OTUD7B: variants seen among roughly 807,000 people sequenced by gnomAD.
The protein encoded by OTUD7B is OTU deubiquitinase 7B.
In OTUD7B, 34 loss-of-function variants were observed where a neutral mutation model predicts 82.2. That is an observed-to-expected ratio of 0.41 (90% confidence interval 0.31 to 0.55). OTUD7B has a LOEUF of 0.55. Ranked by LOEUF, OTUD7B falls within the 20% of genes least tolerant of loss-of-function variation. OTUD7B has a pLI of 0.20. For missense variants in OTUD7B, 944 were observed against 1,062.1 expected (o/e 0.89, Z 1.55); for synonymous variants, 398 against 402.7 (o/e 0.99, Z 0.14).
Position 149,975,022 on chromosome 1 carries a change from C to T in OTUD7B, c.85+2404G>A, listed in dbSNP as rs193094599. Among the ~76,000 whole-genome samples, 10 of 152,200 alleles carry T rather than the reference C, an allele frequency of 6.6e-5. No individual in the cohort carries two copies. The East Asian group carries it at 1.9e-3, about 29-fold the overall frequency. ...AGAGCCCCTATTTTCTGCTTCCTGC[C>T]TATCTCACCAGCTTCCTACCACTTT... On this transcript the variant is annotated intron_variant, in intron 2 of 11. Coordinates refer to ENST00000581312, the MANE Select transcript of OTUD7B (RefSeq NM_020205.4).
At chr1:149,984,056 G>A (rs1448088586) in intron 1 of OTUD7B, among the ~76,000 whole-genome samples, 1 of 152,110 alleles carries the variant, frequency 6.6e-6, no homozygotes, top group Non-Finnish European at 1.5e-5. Context: ...ACCTTGCAGA[G>A]CAATATGACT....
At chr1:150,049,518 T>A in the OTUD7B span, among the ~76,000 whole-genome samples, 3 of 152,122 alleles carry the variant, frequency 2.0e-5, no homozygotes, top group African/African-American at 7.2e-5. Context: ...TTTCTGGGCA[T>A]AGGCATGGAT....
chr1:149,994,111 C>T (rs1456795507), intron 1 of OTUD7B, among the ~76,000 whole-genome samples: 1 of 152,176 alleles, frequency 6.6e-6, no homozygotes, highest in African/African-American at 2.4e-5. Flanking sequence ...ACCAACCCTT[C>T]TAAGAGTGAG....
At chr1:150,013,091 TG>T (rs1653145130), upstream of OTUD7B, among the ~76,000 whole-genome samples, 1 of 152,198 alleles carries the variant, frequency 6.6e-6, no homozygotes, top group African/African-American at 2.4e-5. Context: ...AGAACACAGT[TG>T]ACTATTTCTT....
At chr1:149,962,396 C>G (rs1288718593) in intron 6 of OTUD7B, 1 of 152,206 alleles carries the variant, frequency 6.6e-6, no homozygotes, top group African/African-American at 2.4e-5. Flanking sequence ...ACCATTCCCA[C>G]TCCCAAGGTG....
At chr1:149,980,576 C>T (rs782488025) in intron 1 of OTUD7B, among the ~76,000 whole-genome samples, 21 of 151,624 alleles carry the variant, frequency 1.4e-4, no homozygotes, top group Non-Finnish European at 2.8e-4. Flanking sequence ...CAAAAATTTG[C>T]TGGGTGTGGT....
the OTUD7B span, among the ~76,000 whole-genome samples, chr1:150,049,674 CG>C: frequency 7.7e-6 from 1 of 129,784 alleles, no homozygotes; most frequent in South Asian, 2.4e-4. Flanking sequence ...ATTACAGGCT[CG>C]ACCTCCTGGG....
chr1:150,041,691 G>T, the OTUD7B span, among the ~76,000 whole-genome samples: 5 of 152,096 alleles, frequency 3.3e-5, no homozygotes, highest in South Asian at 1.0e-3. Flanking sequence ...AATCAGACTT[G>T]CCAAAGATTG....
At chr1:149,995,856 A>C (rs1651890913) in intron 1 of OTUD7B, among the ~76,000 whole-genome samples, 1 of 152,240 alleles carries the variant, frequency 6.6e-6, no homozygotes, top group Non-Finnish European at 1.5e-5. Flanking sequence ...GCACAAGCTA[A>C]AGAATAAACC....
intron 1 of OTUD7B, among the ~76,000 whole-genome samples, chr1:149,991,276 GA>G (rs1651552103): frequency 6.6e-6 from 1 of 152,066 alleles, no homozygotes; most frequent in South Asian, 2.1e-4. Flanking sequence ...TTAAAAAGCA[GA>G]AACTCTAACC....
intron 7 of OTUD7B, among the ~76,000 whole-genome samples, chr1:149,954,765 T>C (rs1648536051): frequency 6.6e-6 from 1 of 152,194 alleles, no homozygotes; most frequent in South Asian, 2.1e-4. Context: ...CCTGGTTTGG[T>C]CTTGGGAGGG....
chr1:149,958,078 T>C lies in OTUD7B; in HGVS notation c.845+1606A>G, dbSNP rs757255755. Among the ~76,000 whole-genome samples, 137 of 152,090 alleles carry C rather than the reference T, an allele frequency of 9.0e-4. 5 individuals are homozygous for C. The highest frequency in any genetic ancestry group is 4.1e-4 in the Non-Finnish European group (28 of 68,000). ...TACTGAGATGAACCCGGTACCTCAG[T>C]TGGAAATGCAGAAATCATCCCTCTT... On this transcript the variant is annotated intron_variant, in intron 7 of 11. Transcript: ENST00000581312.
intron 1 of OTUD7B, among the ~76,000 whole-genome samples, chr1:150,002,665 T>C (rs2101932169): frequency 6.6e-6 from 1 of 152,312 alleles, no homozygotes; most frequent in East Asian, 1.9e-4. Flanking sequence ...TAGTACATGC[T>C]GAAGACTGAA....
the OTUD7B span, among the ~76,000 whole-genome samples, chr1:150,051,687 A>T: frequency 7.2e-5 from 11 of 152,284 alleles, 1 homozygote; most frequent in East Asian, 1.9e-3. Flanking sequence ...GCAAAGGTTA[A>T]TTCAGATATC....
the OTUD7B span, among the ~76,000 whole-genome samples, chr1:150,041,434 G>C: frequency 6.6e-6 from 1 of 152,174 alleles, no homozygotes; most frequent in Non-Finnish European, 1.5e-5. Flanking sequence ...CCGCGTTCAA[G>C]CGATTCTCAT....
At chr1:150,012,293 G>C (rs1653112456), upstream of OTUD7B, among the ~76,000 whole-genome samples, 1 of 152,180 alleles carries the variant, frequency 6.6e-6, no homozygotes, top group African/African-American at 2.4e-5. Context: ...ACAGCCGTTG[G>C]AAAGGAGCTG....
At chr1:150,032,015 A>C in the OTUD7B span, among the ~76,000 whole-genome samples, 4 of 152,284 alleles carry the variant, frequency 2.6e-5, no homozygotes, top group African/African-American at 9.6e-5. Flanking sequence ...TTGTCACTTA[A>C]AAGCACACCA....
chr1:149,993,461 C>T (rs1325483937), intron 1 of OTUD7B, among the ~76,000 whole-genome samples: 2 of 152,204 alleles, frequency 1.3e-5, no homozygotes, highest in African/African-American at 2.4e-5. Context: ...AGATAGATAT[C>T]AGCCAACTTT....
chr1:150,034,335 C>T, the OTUD7B span, among the ~76,000 whole-genome samples: 17 of 152,202 alleles, frequency 1.1e-4, no homozygotes, highest in Admixed American at 1.1e-3. Flanking sequence ...ATAATAAACA[C>T]ATGTCCATTG....
Sources: allele counts gnomAD v4.1 joint callset (sites outside exome capture counted in the v4.1 genomes callset), GRCh38; gene constraint gnomAD v4.1.1; transcripts MANE v1.5; gene names NCBI Gene and HGNC (gene_info 2026-07-23, HGNC 2026-07-21).